KCNAB1: variants seen among roughly 807,000 people sequenced by gnomAD.
KCNAB1 encodes potassium voltage-gated channel subfamily A regulatory beta subunit 1, also known as voltage-gated potassium channel subunit beta-1.
In KCNAB1, 35 loss-of-function variants were observed where a neutral mutation model predicts 64.6. The observed-to-expected ratio is 0.54, with a 90% CI of 0.41 to 0.72. The LOEUF (loss-of-function observed/expected upper bound fraction) is 0.72, where lower values mean the gene tolerates loss of function less well. Among genes scored for constraint, KCNAB1 ranks in the 30% least tolerant of loss-of-function variants. KCNAB1 has a pLI of 0.00. For missense variants in KCNAB1, 401 were observed against 512.9 expected (o/e 0.78, Z 2.11); for synonymous variants, 177 against 183.8 (o/e 0.96, Z 0.30).
At chr3:156,123,138 G>T (rs1024480952) in intron 1 of KCNAB1, among the ~76,000 whole-genome samples, 1 of 152,132 alleles carries the variant, frequency 6.6e-6, no homozygotes, top group Non-Finnish European at 1.5e-5. Context: ...ATCTCCATTA[G>T]AAACTTGTAT....
intron 1 of KCNAB1, among the ~76,000 whole-genome samples, chr3:156,300,896 T>C (rs1721114619): frequency 6.6e-6 from 1 of 152,248 alleles, no homozygotes; most frequent in Non-Finnish European, 1.5e-5. Flanking sequence ...ATTTGCTTTT[T>C]GATATATTCT....
intron 8 of KCNAB1, among the ~76,000 whole-genome samples, chr3:156,488,175 G>A (rs745837202): frequency 4.0e-5 from 6 of 151,770 alleles, no homozygotes; most frequent in Non-Finnish European, 8.8e-5. Flanking sequence ...ATTTATTAGA[G>A]AACAACATAG....
intron 8 of KCNAB1, among the ~76,000 whole-genome samples, chr3:156,489,753 A>G (rs1249120870): frequency 3.3e-5 from 5 of 152,166 alleles, no homozygotes; most frequent in Non-Finnish European, 5.9e-5. Flanking sequence ...ACCAATATGT[A>G]TGAAAATGGA....
At chr3:156,466,916 T>A (rs1713443565) in intron 7 of KCNAB1, among the ~76,000 whole-genome samples, 1 of 152,022 alleles carries the variant, frequency 6.6e-6, no homozygotes, top group Admixed American at 6.6e-5. Context: ...ATGTTAAGAG[T>A]TTATACTAGT....
chr3:156,271,460 T>C (rs1054649631), intron 1 of KCNAB1, among the ~76,000 whole-genome samples: 1 of 152,206 alleles, frequency 6.6e-6, no homozygotes, highest in Non-Finnish European at 1.5e-5. Context: ...CTTGATCAAT[T>C]CTGCTGTTAA....
chr3:156,280,693 A>C, intron 1 of KCNAB1, among the ~76,000 whole-genome samples: 1 of 150,864 alleles, frequency 6.6e-6, no homozygotes, highest in Non-Finnish European at 1.5e-5. Flanking sequence ...CATCCCTTGT[A>C]AGTTGGATTC....
intron 1 of KCNAB1, among the ~76,000 whole-genome samples, chr3:156,266,605 T>C (rs1718730984): frequency 6.6e-6 from 1 of 151,626 alleles, no homozygotes; most frequent in Non-Finnish European, 1.5e-5. Flanking sequence ...AAAGCCTCAG[T>C]TATTAGAATT....
chr3:156,146,543 A>C (rs374883910), intron 1 of KCNAB1, among the ~76,000 whole-genome samples: 10 of 152,216 alleles, frequency 6.6e-5, no homozygotes, highest in African/African-American at 2.4e-4. Flanking sequence ...TTGGCAGGAG[A>C]AACTTAAACA....
chr3:156,246,189 A>G (rs1029023757), intron 1 of KCNAB1, among the ~76,000 whole-genome samples: 2 of 152,206 alleles, frequency 1.3e-5, no homozygotes, highest in African/African-American at 4.8e-5. Context: ...AATTGCCCCA[A>G]TAGGTCATTT....
intron 1 of KCNAB1, among the ~76,000 whole-genome samples, chr3:156,379,823 G>A (rs1042328990): frequency 6.6e-6 from 1 of 152,072 alleles, no homozygotes; most frequent in Non-Finnish European, 1.5e-5. Flanking sequence ...CTTGGGAGGT[G>A]GTTTCAATGA....
At chr3:156,144,408 T>C (rs902702902) in intron 1 of KCNAB1, among the ~76,000 whole-genome samples, 1 of 152,260 alleles carries the variant, frequency 6.6e-6, no homozygotes, top group Admixed American at 6.5e-5. Flanking sequence ...TGCAATGATA[T>C]GGCTCCTCTC....
chr3:156,474,621 G>T (rs1384456310), intron 7 of KCNAB1, 113 bp from the exon 8 acceptor site: 8 of 707,578 alleles, frequency 1.1e-5, no homozygotes, highest in Admixed American at 4.7e-5. Context: ...ACGCATTTTT[G>T]AAACTATTCC....
At chr3:156,332,118 AC>A (rs1190293457) in intron 1 of KCNAB1, among the ~76,000 whole-genome samples, 2 of 152,228 alleles carry the variant, frequency 1.3e-5, no homozygotes, top group African/African-American at 4.8e-5. Flanking sequence ...ACAAAAATAA[AC>A]TATGAATAGT....
In KCNAB1 at chr3:156,408,505, C is replaced by T. The variant is rs560428742; in HGVS notation, c.276-13111C>T. Among the ~76,000 whole-genome samples the T allele has an allele frequency of 3.1e-4, 47 of 152,268 alleles. 2 individuals carry two copies. Among genetic ancestry groups the T allele is most frequent in the African/African-American group, 1.0e-3 (43 of 41,552 alleles). On this transcript the variant is annotated intron_variant, in intron 1 of 13. Coordinates refer to ENST00000490337, the MANE Select transcript of KCNAB1 (RefSeq NM_172160.3). Reference sequence around the variant, plus strand: ...GTATAAAAGCACCTAGAGGGCCGGGCGCAGTGGCTCATGCCTGTAATCCCA... The same window carrying T: ...GTATAAAAGCACCTAGAGGGCCGGGTGCAGTGGCTCATGCCTGTAATCCCA...
Position 156,531,489 on chromosome 3 carries a change from G to A in KCNAB1, c.1162G>A (p.Ala388Thr), listed in dbSNP as rs1219671348. The part of the protein sequence containing the change: ...TPEQLIENLG[A>T]IQVLPKMTSH... ...TGAACAACTCATTGAAAACCTTGGT[G>A]CCATTCAGGCAAGTACTGCAGCCCC... is the stretch of plus-strand genomic sequence containing the variant. Residue 388 changes from alanine (A) to threonine (T), a missense_variant, in exon 13 of 14, where the codon GCC (alanine) becomes ACC (threonine). Coordinates refer to ENST00000490337, the MANE Select transcript of KCNAB1 (RefSeq NM_172160.3). 1 of 1,612,160 alleles carries A rather than the reference G, an allele frequency of 6.2e-7. No individual in the cohort carries two copies. Among genetic ancestry groups the A allele is most frequent in the Non-Finnish European group, 8.5e-7 (1 of 1,178,302 alleles).
At chr3:156,478,165 G>A (rs999600165) in intron 8 of KCNAB1, among the ~76,000 whole-genome samples, 6 of 150,406 alleles carry the variant, frequency 4.0e-5, no homozygotes, top group Non-Finnish European at 1.5e-5. Context: ...TTTTTTTTTC[G>A]GTAGTGGCAG....
At chr3:156,481,769 G>A (rs1714823427) in intron 8 of KCNAB1, among the ~76,000 whole-genome samples, 1 of 152,114 alleles carries the variant, frequency 6.6e-6, no homozygotes, top group African/African-American at 2.4e-5. Flanking sequence ...CTACCTATCA[G>A]ACTGTACACT....
At chr3:156,366,215 CCTT>C (rs1405137129) in intron 1 of KCNAB1, among the ~76,000 whole-genome samples, 2 of 152,132 alleles carry the variant, frequency 1.3e-5, no homozygotes, top group African/African-American at 2.4e-5. Flanking sequence ...TATGTTCACT[CCTT>C]CTCTCCGGTA....
At chr3:156,254,098 T>TA (rs1349814803) in intron 1 of KCNAB1, among the ~76,000 whole-genome samples, 3 of 152,188 alleles carry the variant, frequency 2.0e-5, no homozygotes, top group Non-Finnish European at 2.9e-5. Flanking sequence ...CCAGAGAACT[T>TA]ACGATTTTTA....
Sources: gnomAD v4.1 joint callset for allele counts (sites outside exome capture counted in the v4.1 genomes callset) on GRCh38, gnomAD v4.1.1 for gene constraint, MANE v1.5 for transcripts, NCBI Gene and HGNC (gene_info 2026-07-23, HGNC 2026-07-21) for gene names.